PDS5B: variants seen among roughly 807,000 people sequenced by gnomAD.
PDS5B encodes sister chromatid cohesion protein PDS5 homolog B.
Under a neutral mutation model 184.1 loss-of-function variants are expected in PDS5B, and 51 were observed. The ratio of observed to expected loss-of-function variants is 0.28; its 90% CI spans 0.22 to 0.35. PDS5B has a LOEUF of 0.35. PDS5B is among the 10% of genes least tolerant of loss of function. PDS5B has a pLI of 1.00. For missense variants in PDS5B, 1,180 were observed against 1,723.3 expected, an observed-to-expected ratio of 0.68 and a Z score of 5.58; for synonymous variants, 566 against 569.2, an observed-to-expected ratio of 0.99 and a Z score of 0.08.
At chr13:32,614,100 T>C (rs2058183809) in intron 1 of PDS5B, among the ~76,000 whole-genome samples, 1 of 152,198 alleles carries the variant, frequency 6.6e-6, no homozygotes, top group Non-Finnish European at 1.5e-5. Flanking sequence ...TATCTCATTG[T>C]GCCAGTGCTG....
At chr13:32,664,888 T>C (rs1950744824) in intron 6 of PDS5B, among the ~76,000 whole-genome samples, 2 of 151,852 alleles carry the variant, frequency 1.3e-5, no homozygotes, top group Non-Finnish European at 2.9e-5. Context: ...AGTGATAGCA[T>C]GTGCACTTGT....
intron 19 of PDS5B, among the ~76,000 whole-genome samples, chr13:32,727,754 G>T (rs1165623150): frequency 1.3e-5 from 2 of 151,864 alleles, no homozygotes; most frequent in Non-Finnish European, 2.9e-5. Context: ...AATATGCCTT[G>T]AAATGGTTTA....
Position 32,777,260 on chromosome 13 carries a change from G to T in PDS5B, c.*2208G>T, listed in dbSNP as rs1294223882. 1 of 150,960 alleles carries T rather than the reference G, an allele frequency of 6.6e-6. No homozygotes were observed. Among genetic ancestry groups the T allele is most frequent in the Non-Finnish European group, 1.5e-5 (1 of 67,600 alleles). The allele number at this position is 150,960 out of a possible 1,614,324, so 9.4% of individuals were successfully genotyped here. A position where few individuals can be genotyped will look rare whatever the true frequency, so the allele number is the denominator to read the frequency against. ...CAAAAAAATGTTCATTGTAGATTTT[G>T]TTATGTTCAATGCCAATGAGTCTGT... On this transcript the variant is annotated 3_prime_UTR_variant, in exon 35 of 35. Coordinates refer to ENST00000315596, the MANE Select transcript of PDS5B (RefSeq NM_015032.4).
Position 32,760,423 on chromosome 13 carries a change from T to C in PDS5B, c.3373-152T>C, listed in dbSNP as rs1324788514. ...TAGTTTTTAATTTGTTCAAGTGATA[T>C]TTAGTTTATACTTATTACTTTGCTT... On this transcript the variant is annotated intron_variant, in intron 29 of 34. Coordinates refer to ENST00000315596, the MANE Select transcript of PDS5B (RefSeq NM_015032.4). 10 of 624,072 alleles carry C rather than the reference T, an allele frequency of 1.6e-5. No homozygotes were observed. The East Asian group carries it at 2.0e-4, about 13-fold the overall frequency. 38.7% of individuals were successfully genotyped at this position (624,072 alleles called of 1,614,324 possible).
intron 1 of PDS5B, among the ~76,000 whole-genome samples, chr13:32,599,636 C>T (rs529562404): frequency 5.3e-5 from 8 of 150,184 alleles, no homozygotes; most frequent in African/African-American, 7.3e-5. Context: ...AAATACCGGC[C>T]GGGCGCGGTG....
chr13:32,718,449 CA>C (rs923304812), intron 19 of PDS5B, among the ~76,000 whole-genome samples: 5 of 151,806 alleles, frequency 3.3e-5, no homozygotes, highest in Non-Finnish European at 7.4e-5. Context: ...CACGCCTGGC[CA>C]AAAAAATCAG....
chr13:32,755,856 C>A lies in PDS5B; in HGVS notation c.2956C>A (p.Leu986Ile). The change falls in exon 26 of 35, where the codon CTT becomes ATT. Residue 986 changes from leucine (L) to isoleucine (I), a missense_variant. Around this residue, in one of 11 missense-constraint regions of PDS5B, gnomAD observed 57 missense variants for 80.9 expected, o/e 0.70. Coordinates refer to ENST00000315596, the MANE Select transcript of PDS5B (RefSeq NM_015032.4). ...TTCTTTTTCAGAAAAATTATTGTCT[C>A]TTCTACCAGAGTATGTTGTTCCATA... ...HAAVSEKLLS[L>I]LPEYVVPYTI... 7.2e-7 allele frequency: 1 copy of A among 1,381,184 alleles called. No individual in the cohort carries two copies. The highest frequency in any genetic ancestry group is 9.9e-7 in the Non-Finnish European group (1 of 1,013,266). 85.6% of individuals were successfully genotyped at this position (1,381,184 alleles called of 1,614,324 possible).
chr13:32,644,467 A>G (rs140886965), intron 1 of PDS5B, among the ~76,000 whole-genome samples: 2 of 152,158 alleles, frequency 1.3e-5, no homozygotes, highest in African/African-American at 4.8e-5. Context: ...TGAAGTTTTT[A>G]TGTATGTAAA....
chr13:32,619,513 T>A (rs1237062047), intron 1 of PDS5B, among the ~76,000 whole-genome samples: 1 of 152,216 alleles, frequency 6.6e-6, no homozygotes, highest in Non-Finnish European at 1.5e-5. Flanking sequence ...GAAATTTCTC[T>A]GGGTGATGCA....
At chr13:32,726,004 A>G (rs546826805) in intron 19 of PDS5B, among the ~76,000 whole-genome samples, 1 of 152,152 alleles carries the variant, frequency 6.6e-6, no homozygotes, top group African/African-American at 2.4e-5. Context: ...TCTTTTTGAG[A>G]GGTCGCTCTT....
chr13:32,750,623 C>T (rs1183138093), intron 24 of PDS5B, among the ~76,000 whole-genome samples: 1 of 151,312 alleles, frequency 6.6e-6, no homozygotes, highest in Non-Finnish European at 1.5e-5. Context: ...CTCACTGTAA[C>T]CTCTGCCTCC....
intron 7 of PDS5B, among the ~76,000 whole-genome samples, chr13:32,668,401 C>A (rs1217776195): frequency 6.6e-6 from 1 of 152,092 alleles, no homozygotes; most frequent in African/African-American, 2.4e-5. Context: ...CAGTATCACC[C>A]CAAATCTACT....
At chr13:32,702,447 T>C (rs1197134843) in intron 17 of PDS5B, among the ~76,000 whole-genome samples, 1 of 152,186 alleles carries the variant, frequency 6.6e-6, no homozygotes, top group Admixed American at 6.6e-5. Context: ...CAGTACTCTT[T>C]AGGTACTGGC....
intron 34 of PDS5B, among the ~76,000 whole-genome samples, chr13:32,774,256 C>G (rs1954885856): frequency 6.6e-6 from 1 of 152,208 alleles, no homozygotes; most frequent in Non-Finnish European, 1.5e-5. Flanking sequence ...CAGAATTGGT[C>G]TCTGCTGTTC....
chr13:32,770,666 T>C lies in PDS5B; in HGVS notation c.4077T>C (p.Pro1359=). 6.2e-7 allele frequency: 1 copy of C among 1,610,938 alleles called. No individual in the cohort carries two copies. Among genetic ancestry groups the C allele is most frequent in the Non-Finnish European group, 8.5e-7 (1 of 1,178,638 alleles). ...SRRAQQRAES[P]ESSAIESTQS... Reference sequence around the variant, plus strand: ...TTCCCCAAAGCAGAGCAGAATCTCCTGAATCTAGTGCAATTGAATCCACAC... The same window carrying C: ...TTCCCCAAAGCAGAGCAGAATCTCCCGAATCTAGTGCAATTGAATCCACAC... The change falls in exon 33 of 35, where the codon CCT becomes CCC. Residue 1359 remains proline, a synonymous_variant. Transcript: ENST00000315596.
rs146460441 is a variant in PDS5B, at chr13:32,597,048, A to AT, written c.-20+10462dup. ...GTGCTTTGAGTTCTTTTTATTTTTT[A>AT]TTTTTTTGAGACAGCGTCTCACTCT... On this transcript the variant is annotated intron_variant, in intron 1 of 34. Coordinates refer to ENST00000315596, the MANE Select transcript of PDS5B (RefSeq NM_015032.4). Among the ~76,000 whole-genome samples the AT allele has an allele frequency of 8.5e-3, 1,284 of 151,500 alleles. 25 individuals carry two copies. The highest frequency in any genetic ancestry group is 0.03 in the African/African-American group (1,240 of 41,258).
At chr13:32,676,771 A>G (rs2140777294) in intron 9 of PDS5B, among the ~76,000 whole-genome samples, 1 of 152,044 alleles carries the variant, frequency 6.6e-6, no homozygotes, top group East Asian at 1.9e-4. Flanking sequence ...CTCTATTAAA[A>G]ATACAAAAAA....
intron 1 of PDS5B, among the ~76,000 whole-genome samples, chr13:32,594,487 G>A (rs1180009446): frequency 6.6e-6 from 1 of 152,160 alleles, no homozygotes; most frequent in African/African-American, 2.4e-5. Context: ...CCAGAGTATA[G>A]TTAGTGCCTT....
chr13:32,674,112 C>T (rs778212616), intron 8 of PDS5B, among the ~76,000 whole-genome samples: 7 of 152,026 alleles, frequency 4.6e-5, no homozygotes, highest in Non-Finnish European at 1.0e-4. Context: ...CACCCCTGAC[C>T]GAGTGAAATT....
Sources: allele counts gnomAD v4.1 joint callset (sites outside exome capture counted in the v4.1 genomes callset), GRCh38; gene constraint gnomAD v4.1.1; regional missense constraint gnomAD v4.1.1; transcripts MANE v1.5; gene names NCBI Gene and HGNC (gene_info 2026-07-23, HGNC 2026-07-21).